Variants in RAB7A observed in about 807,000 individuals in gnomAD.
RAB7A encodes the protein ras-related protein Rab-7a.
RAB7A carries 2 observed loss-of-function variants against 24.5 expected under a neutral mutation model. That is an observed-to-expected ratio of 0.08 (90% CI 0.03 to 0.26). The LOEUF (loss-of-function observed/expected upper bound fraction) is 0.26, where lower values mean the gene tolerates loss of function less well. RAB7A is among the 10% of genes least tolerant of loss of function. The probability of loss-of-function intolerance (pLI) is 1.00; values close to 1 mark genes in which losing one functional copy is unlikely to be tolerated. For missense variants in RAB7A, 118 were observed against 255.7 expected (o/e 0.46, Z 3.67); for synonymous variants, 100 against 95.9 (o/e 1.04, Z -0.25).
In RAB7A at chr3:128,734,831, G is replaced by C. The variant is rs541971050; in HGVS notation, c.-9+8472G>C. Among the ~76,000 whole-genome samples the C allele has an allele frequency of 4.6e-5, 7 of 152,296 alleles. No homozygotes were observed. In the South Asian group the frequency reaches 1.5e-3, roughly 32 times the overall value. ...CTTTGTGTATCCATTATAGACCTTA[G>C]TTTGATTGAAATAATATTACATGAC... On this transcript the variant is annotated intron_variant, in intron 1 of 5. Coordinates refer to ENST00000265062, the MANE Select transcript of RAB7A (RefSeq NM_004637.6).
intron 5 of RAB7A, among the ~76,000 whole-genome samples, chr3:128,812,599 C>T (rs1332524370): frequency 1.3e-5 from 2 of 152,202 alleles, no homozygotes; most frequent in Non-Finnish European, 2.9e-5. Flanking sequence ...TTTTCCTGCA[C>T]CCAAAAGTAG....
intron 1 of RAB7A, among the ~76,000 whole-genome samples, chr3:128,737,834 T>TTTG (rs1315245581): frequency 1.3e-5 from 1 of 74,260 alleles, no homozygotes; most frequent in East Asian, 2.5e-4. Context: ...AGTTTTTTTT[T>TTTG]TTTTTTTTTT....
chr3:128,754,480 A>G (rs1448975537), intron 1 of RAB7A, among the ~76,000 whole-genome samples: 1 of 152,240 alleles, frequency 6.6e-6, no homozygotes, highest in Non-Finnish European at 1.5e-5. Flanking sequence ...CTAAACACAA[A>G]ATAAGATAAT....
chr3:128,812,207 C>A lies in RAB7A; in HGVS notation c.529-1120C>A, dbSNP rs371212094. ...TTGGCTCACTGCAACCTTGACCTCC[C>A]GGGTTCAAGCAATTCTCCTGCCTCA... On this transcript the variant is annotated intron_variant, in intron 5 of 5. Coordinates refer to ENST00000265062, the MANE Select transcript of RAB7A (RefSeq NM_004637.6). Among the ~76,000 whole-genome samples, 38 of 152,316 alleles carry A rather than the reference C, an allele frequency of 2.5e-4. No homozygotes were observed. In the South Asian group the frequency reaches 7.9e-3, roughly 32 times the overall value.
chr3:128,740,125 C>T (rs555807441), intron 1 of RAB7A, among the ~76,000 whole-genome samples: 114 of 152,038 alleles, frequency 7.5e-4, no homozygotes, highest in Admixed American at 9.2e-4. Flanking sequence ...GCAATCAATC[C>T]CATCACTTTG....
chr3:128,805,510 A>G (rs1933785511), intron 3 of RAB7A, among the ~76,000 whole-genome samples: 1 of 151,970 alleles, frequency 6.6e-6, no homozygotes, highest in Admixed American at 6.6e-5. Context: ...GGGCGGTAGT[A>G]CCTGGTTTAA....
intron 5 of RAB7A, among the ~76,000 whole-genome samples, chr3:128,808,542 GGAA>G (rs1349433871): frequency 2.0e-5 from 3 of 152,060 alleles, no homozygotes; most frequent in African/African-American, 7.3e-5. Context: ...ACACAAAGAA[GGAA>G]GAAGATGTAG....
chr3:128,730,866 G>C lies in RAB7A; in HGVS notation c.-9+4507G>C, dbSNP rs148597452. ...ACTGCTGAGAAATTTAAGTTTGCCT[G>C]ATTCTGTTGTCCACTTCTGGTGTCC... On this transcript the variant is annotated intron_variant, in intron 1 of 5. Coordinates refer to ENST00000265062, the MANE Select transcript of RAB7A (RefSeq NM_004637.6). Among the ~76,000 whole-genome samples, 88 of 152,272 alleles carry C rather than the reference G, an allele frequency of 5.8e-4. 1 individual carries two copies. Among genetic ancestry groups the C allele is most frequent in the Middle Eastern group, 6.8e-3 (2 of 294 alleles).
At chr3:128,785,746 C>CAAA (rs35368201) in intron 1 of RAB7A, among the ~76,000 whole-genome samples, 3 of 86,706 alleles carry the variant, frequency 3.5e-5, no homozygotes, top group Admixed American at 1.2e-4. Flanking sequence ...AAGACTGTCT[C>CAAA]AAAAAAAAAA....
In RAB7A at chr3:128,763,208, ATTTTTT is replaced by A. The variant is rs1174944964; in HGVS notation, c.-8-32133_-8-32128del. On this transcript the variant is annotated intron_variant, in intron 1 of 5. Transcript: ENST00000265062. ...TTAGCTTATATATATATATATATATATTTTTTTTTTTTTTTTTTTTTTTTGAGACGG... is the reference window on the plus strand; with the variant it reads ...TTAGCTTATATATATATATATATATATTTTTTTTTTTTTTTTTTGAGACGG... 1.1e-4 allele frequency among the ~76,000 whole-genome samples: 8 copies of A among 76,058 alleles called. No individual in the cohort carries two copies. In the South Asian group the frequency reaches 2.9e-3, roughly 28 times the overall value. The allele number at this position is 76,058 out of a possible 152,430, so 49.9% of individuals were successfully genotyped here. A position where few individuals can be genotyped will look rare whatever the true frequency, so the allele number is the denominator to read the frequency against.
intron 1 of RAB7A, among the ~76,000 whole-genome samples, chr3:128,726,905 A>C (rs1176431897): frequency 2.0e-5 from 3 of 152,176 alleles, no homozygotes; most frequent in Admixed American, 6.5e-5. Context: ...GCTCGCCTCG[A>C]CACTTGTGTA....
chr3:128,777,966 G>T (rs546102251), intron 1 of RAB7A, among the ~76,000 whole-genome samples: 1 of 152,060 alleles, frequency 6.6e-6, no homozygotes, highest in African/African-American at 2.4e-5. Context: ...TGCCCGCCTC[G>T]GCCTCCCAAA....
intron 1 of RAB7A, among the ~76,000 whole-genome samples, chr3:128,733,417 A>G (rs941647902): frequency 1.3e-5 from 2 of 152,216 alleles, no homozygotes; most frequent in Non-Finnish European, 2.9e-5. Context: ...GTGATATATC[A>G]TAATGTATTT....
intron 1 of RAB7A, among the ~76,000 whole-genome samples, chr3:128,747,746 T>C (rs920602056): frequency 6.6e-6 from 1 of 151,322 alleles, no homozygotes; most frequent in Non-Finnish European, 1.5e-5. Flanking sequence ...AAGCAAAGGA[T>C]TCTTTTTCAT....
chr3:128,792,781 C>G (rs944892568), intron 1 of RAB7A, among the ~76,000 whole-genome samples: 1 of 151,098 alleles, frequency 6.6e-6, no homozygotes, highest in Admixed American at 6.6e-5. Flanking sequence ...CTCAGTCTCC[C>G]GAATAGCTGG....
At chr3:128,811,950 C>G (rs1292549971) in intron 5 of RAB7A, among the ~76,000 whole-genome samples, 1 of 151,902 alleles carries the variant, frequency 6.6e-6, no homozygotes, top group Non-Finnish European at 1.5e-5. Context: ...TAATAGGCAA[C>G]TCTATTGAGA....
intron 3 of RAB7A, among the ~76,000 whole-genome samples, chr3:128,803,527 T>C (rs971280331): frequency 3.3e-5 from 5 of 152,164 alleles, no homozygotes; most frequent in African/African-American, 4.8e-5. Flanking sequence ...CATAGACATA[T>C]GCAGCAATCC....
intron 1 of RAB7A, chr3:128,765,108 G>T: frequency 1.3e-6 from 1 of 755,982 alleles, no homozygotes; most frequent in South Asian, 1.5e-5. Context: ...CAGTGAAGAG[G>T]GGACAGAGGG....
rs559172148 is a variant in RAB7A at position 128,795,196 on chromosome 3, G to A, written c.-8-164G>A. The A allele has an allele frequency of 1.2e-5, 8 of 688,874 alleles. 1 individual carries two copies. The South Asian group carries it at 1.3e-4, about 11-fold the overall frequency. The allele number at this position is 688,874 out of a possible 1,614,324, so 42.7% of individuals were successfully genotyped here. A position where few individuals can be genotyped will look rare whatever the true frequency, so the allele number is the denominator to read the frequency against. On this transcript the variant is annotated intron_variant, in intron 1 of 5. Coordinates refer to ENST00000265062, the MANE Select transcript of RAB7A (RefSeq NM_004637.6). ...TCGCTCTTGGGTCCAGAGTTTTGGTGAGTGATACTGTTTTTTATCAGTGCC... is the reference window on the plus strand; with the variant it reads ...TCGCTCTTGGGTCCAGAGTTTTGGTAAGTGATACTGTTTTTTATCAGTGCC...
Sources: allele counts gnomAD v4.1 joint callset (sites outside exome capture counted in the v4.1 genomes callset), GRCh38; gene constraint gnomAD v4.1.1; transcripts MANE v1.5; gene names NCBI Gene and HGNC (gene_info 2026-07-23, HGNC 2026-07-21).